Variants in FOCAD observed in about 807,000 individuals in gnomAD.
FOCAD encodes KIAA1797.
Under a neutral mutation model 225.6 loss-of-function variants are expected in FOCAD, and 198 were observed. That is an observed-to-expected ratio of 0.88 (90% confidence interval 0.78 to 0.99). The LOEUF (loss-of-function observed/expected upper bound fraction) is 0.99, where lower values mean the gene tolerates loss of function less well. FOCAD is among the 50% of genes least tolerant of loss of function. The pLI is 0.00. For missense variants in FOCAD, 2,713 were observed against 2,123.6 expected, an observed-to-expected ratio of 1.28 and a Z score of -5.46; for synonymous variants, 897 against 755.0, an observed-to-expected ratio of 1.19 and a Z score of -3.08.
chr9:20,829,516 C>T (rs1461401110), intron 15 of FOCAD, among the ~76,000 whole-genome samples: 1 of 151,904 alleles, frequency 6.6e-6, no homozygotes, highest in African/African-American at 2.4e-5. Context: ...GCATCTTTTC[C>T]TATTATTTTT....
At chr9:20,830,709 G>C (rs1404089240) in intron 15 of FOCAD, among the ~76,000 whole-genome samples, 3 of 152,006 alleles carry the variant, frequency 2.0e-5, no homozygotes, top group East Asian at 1.9e-4. Context: ...ATGGGGTCTT[G>C]CTCTGACGGC....
rs969833994 is a variant in FOCAD, at chr9:20,686,828, TAAG to T, written c.-33+2538_-33+2540del. ...AGGTTTTGTTACTATTTCCACATGA[TAAG>T]AAACAAGATTTGCTAAGCTGATAGG... On this transcript the variant is annotated intron_variant, in intron 1 of 43. Coordinates refer to ENST00000338382, the MANE Select transcript of FOCAD (RefSeq NM_001375567.1). Among the ~76,000 whole-genome samples, 27 of 152,300 alleles carry T rather than the reference TAAG, an allele frequency of 1.8e-4. 1 individual carries two copies. Among genetic ancestry groups the T allele is most frequent in the Admixed American group, 1.1e-3 (17 of 15,304 alleles).
intron 2 of FOCAD, among the ~76,000 whole-genome samples, chr9:20,675,818 A>C (rs1587195778): frequency 1.1e-5 from 1 of 94,846 alleles, no homozygotes; most frequent in Admixed American, 9.4e-5. Context: ...TCATGTACAA[A>C]ACAAGGTAGA....
chr9:20,992,129 AG>A (rs1190413330), intron 42 of FOCAD, among the ~76,000 whole-genome samples: 2 of 152,214 alleles, frequency 1.3e-5, no homozygotes, highest in African/African-American at 4.8e-5. Flanking sequence ...ATGTGTTTTT[AG>A]TGAACCAAGA....
intron 42 of FOCAD, among the ~76,000 whole-genome samples, chr9:20,991,255 T>G (rs1587805171): frequency 6.6e-6 from 1 of 152,258 alleles, no homozygotes; most frequent in Non-Finnish European, 1.5e-5. Flanking sequence ...TGACCTGTCC[T>G]TAATACAGTT....
intron 15 of FOCAD, among the ~76,000 whole-genome samples, chr9:20,834,927 T>C (rs565778435): frequency 4.6e-5 from 7 of 152,256 alleles, no homozygotes; most frequent in African/African-American, 1.7e-4. Flanking sequence ...TGATTTCATA[T>C]TGAAGTGAGA....
At chr9:20,893,825 C>T (rs1391686050) in intron 21 of FOCAD, among the ~76,000 whole-genome samples, 1 of 152,056 alleles carries the variant, frequency 6.6e-6, no homozygotes, top group Non-Finnish European at 1.5e-5. Context: ...TTATCCCCCA[C>T]CAGAGTGGTA....
intron 2 of FOCAD, among the ~76,000 whole-genome samples, chr9:20,663,040 A>G (rs80214940): frequency 0.17 from 26,159 of 152,120 alleles, 2,309 homozygotes; most frequent in Non-Finnish European, 0.19. Flanking sequence ...ACAAACTATA[A>G]AACAAAAGGT....
At chr9:20,956,346 C>T (rs1167507427) in intron 35 of FOCAD, among the ~76,000 whole-genome samples, 1 of 152,040 alleles carries the variant, frequency 6.6e-6, no homozygotes, top group African/African-American at 2.4e-5. Flanking sequence ...AATAGTTTAC[C>T]TGTACAACTC....
At chr9:20,878,929 G>GC (rs1830449630) in intron 19 of FOCAD, among the ~76,000 whole-genome samples, 1 of 152,160 alleles carries the variant, frequency 6.6e-6, no homozygotes, top group African/African-American at 2.4e-5. Context: ...AAAAGCAGCA[G>GC]CAGAAGCCTG....
At chr9:20,777,100 AG>A (rs1818837716) in intron 8 of FOCAD, among the ~76,000 whole-genome samples, 2 of 152,176 alleles carry the variant, frequency 1.3e-5, no homozygotes, top group South Asian at 4.1e-4. Flanking sequence ...TTTTTTCAAA[AG>A]TCCATAAACA....
chr9:20,778,638 G>C (rs1320172255), intron 8 of FOCAD, 43 bp from the exon 9 acceptor site: 12 of 1,067,340 alleles, frequency 1.1e-5, no homozygotes, highest in Non-Finnish European at 1.6e-5. Context: ...CATGATTCTG[G>C]GAACTTCTTT....
intron 2 of FOCAD, among the ~76,000 whole-genome samples, chr9:20,659,048 A>G (rs1026520387): frequency 3.9e-5 from 6 of 152,072 alleles, no homozygotes; most frequent in Non-Finnish European, 7.4e-5. Context: ...GCAAAACCCC[A>G]TTTCTACTAA....
intron 2 of FOCAD, among the ~76,000 whole-genome samples, chr9:20,671,901 A>T (rs1361585761): frequency 6.6e-6 from 1 of 151,932 alleles, no homozygotes; most frequent in African/African-American, 2.4e-5. Context: ...TTCAAATTCC[A>T]TATTCAGGGA....
chr9:20,844,889 A>T (rs772154934), intron 15 of FOCAD, among the ~76,000 whole-genome samples: 2 of 152,016 alleles, frequency 1.3e-5, no homozygotes, highest in Non-Finnish European at 2.9e-5. Context: ...CCTATCCCTT[A>T]GGTTTGTGTC....
intron 1 of FOCAD, among the ~76,000 whole-genome samples, chr9:20,701,987 G>A (rs1823993244): frequency 6.6e-6 from 1 of 152,116 alleles, no homozygotes; most frequent in Non-Finnish European, 1.5e-5. Flanking sequence ...ATTAGATTCA[G>A]ACTCAGAATA....
chr9:20,885,297 G>T, intron 21 of FOCAD, 67 bp downstream of exon 21: 1 of 1,308,068 alleles, frequency 7.6e-7, no homozygotes, highest in Non-Finnish European at 9.8e-7. Context: ...TTAAGAAGTT[G>T]TTTGTTTAGA....
chr9:20,831,451 C>A (rs1825484788), intron 15 of FOCAD, among the ~76,000 whole-genome samples: 1 of 152,054 alleles, frequency 6.6e-6, no homozygotes, highest in South Asian at 2.1e-4. Context: ...GCAAGGCTTT[C>A]TGCATATAAA....
chr9:20,774,731 T>A lies in FOCAD; in HGVS notation c.907-3950T>A, dbSNP rs1167987071. On this transcript the variant is annotated intron_variant, in intron 8 of 43. Transcript: ENST00000338382. ...AATCTAATTTTTAAAATGTTTTTGA[T>A]TATAATGTAGAGTCACAGGATACTA... Among the ~76,000 whole-genome samples the A allele has an allele frequency of 2.0e-5, 3 of 152,142 alleles. No homozygotes were observed. The East Asian group carries it at 5.8e-4, about 29-fold the overall frequency.
Sources: gnomAD v4.1 joint callset for allele counts (sites outside exome capture counted in the v4.1 genomes callset) on GRCh38, gnomAD v4.1.1 for gene constraint, MANE v1.5 for transcripts, NCBI Gene and HGNC (gene_info 2026-07-23, HGNC 2026-07-21) for gene names.